CTDSP2: variants seen among roughly 807,000 people sequenced by gnomAD.
The protein encoded by CTDSP2 is CTD small phosphatase 2.
CTDSP2 carries 9 observed loss-of-function variants against 31.6 expected under a neutral mutation model. The ratio of observed to expected loss-of-function variants is 0.28; its 90% CI spans 0.17 to 0.50. The LOEUF (loss-of-function observed/expected upper bound fraction) is 0.50. Ranked by LOEUF, CTDSP2 falls within the 20% of genes least tolerant of loss-of-function variation. The pLI, the probability that CTDSP2 is intolerant of heterozygous loss-of-function variation, is 0.98. For synonymous variants in CTDSP2, 134 were observed against 134.5 expected (o/e 1.00, Z 0.03); for missense variants, 267 against 348.5 (o/e 0.77, Z 1.86).
chr12:57,823,841 C>T, intron 7 of CTDSP2, 63 bp downstream of exon 7: 1 of 1,607,720 alleles, frequency 6.2e-7, no homozygotes, highest in South Asian at 1.1e-5. Flanking sequence ...TCTGGTGGAG[C>T]CCACAGTTCC....
In CTDSP2 at chr12:57,829,530, C is replaced by T; in HGVS notation, c.131G>A (p.Cys44Tyr). 1 of 1,614,186 alleles carries T rather than the reference C, an allele frequency of 6.2e-7. No homozygotes were observed. The highest frequency in any genetic ancestry group is 8.5e-7 in the Non-Finnish European group (1 of 1,180,022). ...GRNIFKALFC[C>Y]FRAQHVGQSS... Reference sequence around the variant, plus strand: ...CTGGCCAACATGCTGGGCGCGAAAACAGCAGAAAAGGGCCTTGAAGATGTT... The same window carrying T: ...CTGGCCAACATGCTGGGCGCGAAAATAGCAGAAAAGGGCCTTGAAGATGTT... Residue 44 changes from cysteine to tyrosine, a missense_variant, in exon 2 of 8, where the codon TGT becomes TAT. Physicochemically the swap from Cys to Tyr is radical, Grantham distance 194. Transcript: ENST00000398073.
At chr12:57,838,151 C>G (rs1338449034) in intron 1 of CTDSP2, among the ~76,000 whole-genome samples, 1 of 152,180 alleles carries the variant, frequency 6.6e-6, no homozygotes, top group Non-Finnish European at 1.5e-5. Context: ...GTAGCAGATC[C>G]TGGACCAGAG....
chr12:57,821,449 G>A lies in CTDSP2; in HGVS notation c.*2153C>T, dbSNP rs1956144227. On this transcript the variant is annotated 3_prime_UTR_variant, in exon 8 of 8. Coordinates refer to ENST00000398073, the MANE Select transcript of CTDSP2 (RefSeq NM_005730.4). ...ATCTGGAAAAACATGGAGATCCAAG[G>A]GAGGGCGGAAAGGGTCCTTGCAACT... The A allele has an allele frequency of 2.0e-5, 3 of 152,706 alleles. No individual in the cohort carries two copies. Among genetic ancestry groups the A allele is most frequent in the African/African-American group, 7.2e-5 (3 of 41,474 alleles). The allele number at this position is 152,706 out of a possible 1,614,324, so 9.5% of individuals were successfully genotyped here.
At position 57,822,122 on chromosome 12, in the gene CTDSP2, A is replaced by AG. The variant is rs1956150526; in HGVS notation, c.*1479dup. Reference sequence around the variant, plus strand: ...CCACCCCAGGAGGAGGGAGGGAGGGAGGAGAGAACCCCACCCACCCCAGGG... The same window carrying AG: ...CCACCCCAGGAGGAGGGAGGGAGGGAGGGAGAGAACCCCACCCACCCCAGGG... On this transcript the variant is annotated 3_prime_UTR_variant, in exon 8 of 8. Coordinates refer to ENST00000398073, the MANE Select transcript of CTDSP2 (RefSeq NM_005730.4). 6.6e-6 allele frequency: 1 copy of AG among 152,238 alleles called. No individual in the cohort carries two copies. The highest frequency in any genetic ancestry group is 1.5e-5 in the Non-Finnish European group (1 of 67,944). The allele number at this position is 152,238 out of a possible 1,614,324, so 9.4% of individuals were successfully genotyped here. A position where few individuals can be genotyped will look rare whatever the true frequency, so the allele number is the denominator to read the frequency against.
At position 57,821,165 on chromosome 12, in the gene CTDSP2, G is replaced by T. The variant is rs893944220; in HGVS notation, c.*2437C>A. On this transcript the variant is annotated 3_prime_UTR_variant, in exon 8 of 8. Transcript: ENST00000398073. ...AAACCCGACAGCAAATAATGACTAG[G>T]CTGGCTCTGGTCCACAAGAACAGAC... The T allele has an allele frequency of 3.3e-5, 5 of 152,232 alleles. No individual in the cohort carries two copies. Among genetic ancestry groups the T allele is most frequent in the African/African-American group, 1.2e-4 (5 of 41,432 alleles). The allele number at this position is 152,232 out of a possible 1,614,324, so 9.4% of individuals were successfully genotyped here.
intron 1 of CTDSP2, among the ~76,000 whole-genome samples, chr12:57,832,549 TGGAA>T (rs1392376851): frequency 2.0e-5 from 3 of 151,730 alleles, no homozygotes; most frequent in Non-Finnish European, 4.4e-5. Context: ...CCCAGCACCT[TGGAA>T]GGCCGAGGTG....
At chr12:57,826,270 G>A in intron 5 of CTDSP2, 76 bp downstream of exon 5, 1 of 1,278,866 alleles carries the variant, frequency 7.8e-7, no homozygotes, top group Non-Finnish European at 1.1e-6. Flanking sequence ...GAGATGGGTG[G>A]AGGACCCCAG....
rs926706219 is a variant in CTDSP2 at position 57,826,850 on chromosome 12, C to T, written c.354+146G>A. The T allele has an allele frequency of 4.7e-6, 3 of 632,672 alleles. No individual in the cohort carries two copies. In the African/African-American group the frequency reaches 5.5e-5, roughly 12 times the overall value. The allele number at this position is 632,672 out of a possible 1,614,324, so 39.2% of individuals were successfully genotyped here. On this transcript the variant is annotated intron_variant, in intron 4 of 7. Coordinates refer to ENST00000398073, the MANE Select transcript of CTDSP2 (RefSeq NM_005730.4). ...CAGTGGGGCCTCTAGATACCTGTGACACAGGGTGGCCAAAATGCCAGAGGC... is the reference window on the plus strand; with the variant it reads ...CAGTGGGGCCTCTAGATACCTGTGATACAGGGTGGCCAAAATGCCAGAGGC...
chr12:57,829,520 G>C lies in CTDSP2; in HGVS notation c.141C>G (p.Ala47=), dbSNP rs1292591436. The C allele has an allele frequency of 6.2e-7, 1 of 1,614,166 alleles. No homozygotes were observed. The highest frequency in any genetic ancestry group is 1.7e-5 in the Admixed American group (1 of 60,016). Residue 47 remains alanine, a synonymous_variant, in exon 2 of 8, where the codon GCC becomes GCG. Transcript: ENST00000398073. Reference sequence around the variant, plus strand: ...AGGAACTTGACTGGCCAACATGCTGGGCGCGAAAACAGCAGAAAAGGGCCT... The same window carrying C: ...AGGAACTTGACTGGCCAACATGCTGCGCGCGAAAACAGCAGAAAAGGGCCT... ...IFKALFCCFR[A]QHVGQSSSST...
intron 1 of CTDSP2, among the ~76,000 whole-genome samples, chr12:57,831,325 C>T (rs530331276): frequency 7.2e-5 from 11 of 152,010 alleles, no homozygotes; most frequent in African/African-American, 2.4e-4. Context: ...GTGTGGCACG[C>T]GCTTGTAATC....
At chr12:57,835,089 C>T (rs1195613402) in intron 1 of CTDSP2, among the ~76,000 whole-genome samples, 3 of 149,862 alleles carry the variant, frequency 2.0e-5, no homozygotes, top group Non-Finnish European at 4.4e-5. Context: ...TGCCATTGCA[C>T]TCCAGCCTGG....
intron 2 of CTDSP2, 64 bp downstream of exon 2, chr12:57,829,384 T>C: frequency 6.4e-7 from 1 of 1,568,302 alleles, no homozygotes; most frequent in Admixed American, 1.7e-5. Flanking sequence ...GTTGCCATCG[T>C]CTGCAGGGAT....
intron 4 of CTDSP2, 122 bp downstream of exon 4, chr12:57,826,874 G>A (rs57904928): frequency 6.6e-6 from 5 of 757,774 alleles, no homozygotes; most frequent in Non-Finnish European, 1.1e-5. Context: ...AATGCCAGAG[G>A]CCTGGCCTTT....
At chr12:57,838,861 G>GT (rs1326627432) in intron 1 of CTDSP2, among the ~76,000 whole-genome samples, 30 of 152,164 alleles carry the variant, frequency 2.0e-4, no homozygotes, top group Non-Finnish European at 4.3e-4. Flanking sequence ...CAAAAGCTTT[G>GT]TAAGTGTCAA....
At chr12:57,833,941 G>A (rs896659802) in intron 1 of CTDSP2, among the ~76,000 whole-genome samples, 23 of 152,290 alleles carry the variant, frequency 1.5e-4, no homozygotes, top group African/African-American at 3.9e-4. Context: ...CACTTTGGTA[G>A]GCACTAGTTC....
chr12:57,823,178 G>A lies in CTDSP2; in HGVS notation c.*424C>T, dbSNP rs1430386756. 4.9e-6 allele frequency: 1 copy of A among 203,276 alleles called. No homozygotes were observed. The highest frequency in any genetic ancestry group is 2.3e-5 in the African/African-American group (1 of 44,154). 12.6% of individuals were successfully genotyped at this position (203,276 alleles called of 1,614,324 possible). On this transcript the variant is annotated 3_prime_UTR_variant, in exon 8 of 8. Coordinates refer to ENST00000398073, the MANE Select transcript of CTDSP2 (RefSeq NM_005730.4). ...TCCTTGGCATAGGCCTTACAACACT[G>A]AGGAAAGGCCATGGTTTGGCAATGG...
intron 1 of CTDSP2, among the ~76,000 whole-genome samples, chr12:57,832,792 A>T (rs1956224458): frequency 8.0e-5 from 2 of 24,850 alleles, no homozygotes; most frequent in Non-Finnish European, 2.0e-4. Context: ...ACTCTGGCTA[A>T]AAAAAAAAAA....
chr12:57,838,975 G>A (rs939189183), intron 1 of CTDSP2, among the ~76,000 whole-genome samples: 2 of 152,198 alleles, frequency 1.3e-5, no homozygotes, highest in Admixed American at 1.3e-4. Context: ...ACTCATTTCA[G>A]AGGTAGTAAC....
chr12:57,845,032 G>C (rs536772839), intron 1 of CTDSP2, among the ~76,000 whole-genome samples: 1 of 152,294 alleles, frequency 6.6e-6, no homozygotes, highest in Admixed American at 6.5e-5. Flanking sequence ...CCAGGAATTA[G>C]TGACCTGCTG....
Sources: allele counts gnomAD v4.1 joint callset (sites outside exome capture counted in the v4.1 genomes callset), GRCh38; gene constraint gnomAD v4.1.1; transcripts MANE v1.5; gene names NCBI Gene and HGNC (gene_info 2026-07-23, HGNC 2026-07-21).